The following GLI3 variants were observed in gnomAD, a reference collection of about 807,000 sequenced individuals.
The protein encoded by GLI3 is GLI family zinc finger 3.
GLI3 carries 20 observed loss-of-function variants against 100.8 expected under a neutral mutation model. The ratio of observed to expected loss-of-function variants is 0.20; its 90% CI spans 0.14 to 0.29. The LOEUF (loss-of-function observed/expected upper bound fraction) is 0.29, where lower values mean the gene tolerates loss of function less well. GLI3 is among the 10% of genes least tolerant of loss of function. GLI3 has a pLI of 1.00. For synonymous variants in GLI3, 938 were observed against 860.5 expected (o/e 1.09, Z -1.58); for missense variants, 2,040 against 2,128.5 (o/e 0.96, Z 0.82).
intron 2 of GLI3, among the ~76,000 whole-genome samples, chr7:42,204,964 T>G (rs1788120080): frequency 6.6e-6 from 1 of 152,128 alleles, no homozygotes; most frequent in Non-Finnish European, 1.5e-5. Flanking sequence ...AAACGCTGCA[T>G]GATTTAAAAT....
At chr7:41,967,088 A>C (rs1232307795) in intron 14 of GLI3, among the ~76,000 whole-genome samples, 2 of 152,218 alleles carry the variant, frequency 1.3e-5, no homozygotes, top group African/African-American at 4.8e-5. Flanking sequence ...CGTCCTGTTC[A>C]TGCCACATCC....
At chr7:42,261,893 T>C (rs925880796) in intron 1 of GLI3, among the ~76,000 whole-genome samples, 2 of 16,122 alleles carry the variant, frequency 1.2e-4, no homozygotes, top group Non-Finnish European at 3.3e-4. Flanking sequence ...TCCTTTCCCT[T>C]CCCTTCCTTT....
At chr7:42,251,419 G>A (rs907864366) in intron 1 of GLI3, among the ~76,000 whole-genome samples, 10 of 152,232 alleles carry the variant, frequency 6.6e-5, no homozygotes, top group African/African-American at 2.2e-4. Flanking sequence ...CTTAGGCGGC[G>A]ATGCTCTAAT....
chr7:42,189,971 AACACAC>A (rs57107204), intron 2 of GLI3, among the ~76,000 whole-genome samples: 7,964 of 143,260 alleles, frequency 0.056, 370 homozygotes, highest in African/African-American at 0.13. Context: ...GCATGGGCTC[AACACAC>A]ACACACACAC....
At chr7:42,077,384 T>TTTTA (rs35245217) in intron 3 of GLI3, among the ~76,000 whole-genome samples, 1 of 149,402 alleles carries the variant, frequency 6.7e-6, no homozygotes. Flanking sequence ...TTTTTTTTTT[T>TTTTA]AACTTAAATA....
chr7:42,017,180 G>A (rs1445443917), intron 10 of GLI3, among the ~76,000 whole-genome samples: 1 of 152,156 alleles, frequency 6.6e-6, no homozygotes, highest in East Asian at 1.9e-4. Context: ...AATGAGGTAT[G>A]CAGCCCAGCC....
rs1280970326 is a variant in GLI3, at chr7:41,968,658, G to A, written c.2104-735C>T. Among the ~76,000 whole-genome samples the A allele has an allele frequency of 3.4e-5, 5 of 147,300 alleles. No homozygotes were observed. In the Admixed American group the frequency reaches 3.4e-4, roughly 10 times the overall value. On this transcript the variant is annotated intron_variant, in intron 13 of 14. Transcript: ENST00000395925. The stretch of plus-strand genomic sequence containing the variant: ...AGGTAAAACTTCAATCACTTAGCTT[G>A]TGCTATACCAAGAAAGAAAGAAAGA...
chr7:42,015,736 C>G (rs369184449), intron 10 of GLI3, among the ~76,000 whole-genome samples: 120 of 151,980 alleles, frequency 7.9e-4, no homozygotes, highest in African/African-American at 2.7e-3. Context: ...AGTTTACACA[C>G]GCACACACAC....
intron 1 of GLI3, among the ~76,000 whole-genome samples, chr7:42,251,465 A>G (rs1468067802): frequency 6.6e-6 from 1 of 152,072 alleles, no homozygotes; most frequent in Non-Finnish European, 1.5e-5. Context: ...GTGCAGCTGG[A>G]GTAGGGGGAG....
chr7:41,965,860 C>T lies in GLI3; in HGVS notation c.3213G>A (p.Glu1071=). ...HSSPCPPSIT[E]NVTLESLTMD... is the part of the protein sequence containing the mutation. ...TGGTCAGGGACTCCAGGGTGACGTT[C>T]TCGGTGATGCTGGGAGGACAGGGGG... is the stretch of plus-strand genomic sequence containing the variant. The change falls in exon 15 of 15, where the codon GAG becomes GAA. Residue 1071 remains glutamate, a synonymous_variant. Transcript: ENST00000395925. The T allele has an allele frequency of 6.2e-7, 1 of 1,613,816 alleles. No homozygotes were observed. Among genetic ancestry groups the T allele is most frequent in the Non-Finnish European group, 8.5e-7 (1 of 1,179,944 alleles).
At chr7:41,983,708 C>T (rs1199006360) in intron 10 of GLI3, among the ~76,000 whole-genome samples, 1 of 152,166 alleles carries the variant, frequency 6.6e-6, no homozygotes, top group African/African-American at 2.4e-5. Context: ...GGCATGCCAA[C>T]TCTCTCGGCG....
rs200859064 is a variant in GLI3 at position 42,048,171 on chromosome 7, C to A, written c.679+320G>T. Among the ~76,000 whole-genome samples, 33 of 152,292 alleles carry A rather than the reference C, an allele frequency of 2.2e-4. 1 individual carries two copies. The East Asian group carries it at 6.2e-3, about 28-fold the overall frequency. On this transcript the variant is annotated intron_variant, in intron 5 of 14. Coordinates refer to ENST00000395925, the MANE Select transcript of GLI3 (RefSeq NM_000168.6). Reference sequence around the variant, plus strand: ...TCATATGTGAAGCAGCAGAACAGAACCCTAGTTACCAGCAGGGATTTGGGA... The same window carrying A: ...TCATATGTGAAGCAGCAGAACAGAAACCTAGTTACCAGCAGGGATTTGGGA...
chr7:42,089,233 T>G (rs1212586628), intron 3 of GLI3, among the ~76,000 whole-genome samples: 1 of 152,176 alleles, frequency 6.6e-6, no homozygotes, highest in Non-Finnish European at 1.5e-5. Flanking sequence ...CACACAAAGA[T>G]GACCCCAATC....
chr7:42,125,430 G>A (rs1033001755), intron 3 of GLI3, among the ~76,000 whole-genome samples: 13 of 152,152 alleles, frequency 8.5e-5, no homozygotes, highest in East Asian at 1.9e-4. Flanking sequence ...CAAAGCAAAC[G>A]GGCAGCAGAT....
At chr7:42,188,982 T>C (rs751483398) in intron 2 of GLI3, among the ~76,000 whole-genome samples, 7 of 152,142 alleles carry the variant, frequency 4.6e-5, no homozygotes, top group Non-Finnish European at 1.0e-4. Context: ...TCCCCTAAAG[T>C]AATCTATGGA....
intron 10 of GLI3, among the ~76,000 whole-genome samples, chr7:42,011,217 G>A (rs1035344058): frequency 6.6e-6 from 1 of 152,200 alleles, no homozygotes; most frequent in Non-Finnish European, 1.5e-5. Flanking sequence ...TCCACAGCCA[G>A]ACTGAGTCCC....
chr7:42,078,210 T>A (rs1165172171), intron 3 of GLI3, among the ~76,000 whole-genome samples: 3 of 152,220 alleles, frequency 2.0e-5, no homozygotes, highest in Non-Finnish European at 2.9e-5. Context: ...ATTAGATGTG[T>A]GTAATGTTGA....
chr7:42,123,501 A>G (rs1463847919), intron 3 of GLI3, among the ~76,000 whole-genome samples: 2 of 152,264 alleles, frequency 1.3e-5, no homozygotes, highest in African/African-American at 2.4e-5. Flanking sequence ...AGAGATACAA[A>G]AACGTAATTA....
At chr7:42,254,768 G>A (rs999796299) in intron 1 of GLI3, among the ~76,000 whole-genome samples, 29 of 131,828 alleles carry the variant, frequency 2.2e-4, no homozygotes, top group Admixed American at 9.3e-4. Context: ...TCCACTTTTC[G>A]GTCTGTTCTC....
Sources: allele counts gnomAD v4.1 joint callset (sites outside exome capture counted in the v4.1 genomes callset), GRCh38; gene constraint gnomAD v4.1.1; transcripts MANE v1.5; gene names NCBI Gene and HGNC (gene_info 2026-07-23, HGNC 2026-07-21).